Variants in RLIM observed in about 807,000 individuals in gnomAD.
RLIM encodes ring finger protein, LIM domain interacting.
A neutral mutation model predicts 34.0 loss-of-function variants in RLIM; 2 were observed. The ratio of observed to expected loss-of-function variants is 0.06; its 90% CI spans 0.02 to 0.19. RLIM has a LOEUF of 0.19. Among genes scored for constraint, RLIM ranks in the 10% least tolerant of loss-of-function variants. RLIM has a pLI of 1.00. For synonymous variants in RLIM, 169 were observed against 164.0 expected, an observed-to-expected ratio of 1.03 and a Z score of -0.23; for missense variants, 286 against 479.7, an observed-to-expected ratio of 0.60 and a Z score of 3.77.
rs767811709 is a variant in RLIM at position 74,595,794 on chromosome X, T to C, written c.169+15A>G. 5 of 1,155,826 alleles carry C rather than the reference T, an allele frequency of 4.3e-6. No individual in the cohort carries two copies. The highest frequency in any genetic ancestry group is 5.1e-5 in the Admixed American group (2 of 39,392). On this transcript the variant is annotated intron_variant, in intron 2 of 3. Transcript: ENST00000332687. The stretch of plus-strand genomic sequence containing the variant: ...CAACTTACACTTATAAATCCTTAAA[T>C]ATATGTAAGCATACCTGGGGTGCCT...
In RLIM at chrX:74,613,970, C is replaced by T. The variant is rs774993535; in HGVS notation, c.-24+452G>A. Among the ~76,000 whole-genome samples the T allele has an allele frequency of 1.9e-4, 21 of 110,488 alleles. No individual in the cohort carries two copies. In the East Asian group the frequency reaches 5.5e-3, roughly 29 times the overall value. ...AGGCCCAAGAGTTGCCAGCATCTCA[C>T]TTGGGGCAGCCTGATTTTTTACTTC... On this transcript the variant is annotated intron_variant, in intron 1 of 3. Coordinates refer to ENST00000332687, the MANE Select transcript of RLIM (RefSeq NM_016120.4).
At chrX:74,596,567 C>T (rs749703283) in intron 1 of RLIM, among the ~76,000 whole-genome samples, 72 of 112,124 alleles carry the variant, frequency 6.4e-4, no homozygotes, top group Non-Finnish European at 9.0e-4. Context: ...TATTTTTATT[C>T]TCCTTGCAAC....
Position 74,585,632 on chromosome X carries a change from TGCTTTA to T in RLIM, c.*5802_*5807del, listed in dbSNP as rs1171629156. 1 of 112,445 alleles carries T rather than the reference TGCTTTA, an allele frequency of 8.9e-6. No homozygotes were observed. The highest frequency in any genetic ancestry group is 3.2e-5 in the African/African-American group (1 of 30,960). 9.3% of individuals were successfully genotyped at this position (112,445 alleles called of 1,213,427 possible). A position where few individuals can be genotyped will look rare whatever the true frequency, so the allele number is the denominator to read the frequency against. On this transcript the variant is annotated 3_prime_UTR_variant, in exon 4 of 4. Coordinates refer to ENST00000332687, the MANE Select transcript of RLIM (RefSeq NM_016120.4). Reference sequence around the variant, plus strand: ...TGATTGACCTTTCAAGGTCTTGTTTTGCTTTAAACAAGTTAACTTTTAGCAGTTGTA... The same window carrying T: ...TGATTGACCTTTCAAGGTCTTGTTTTAACAAGTTAACTTTTAGCAGTTGTA...
Position 74,591,706 on chromosome X carries a change from A to G in RLIM, c.1609T>C (p.Leu537=). 2 of 1,211,761 alleles carry G rather than the reference A, an allele frequency of 1.7e-6. No individual in the cohort carries two copies. ...GGTTGGTCATCATCATCCTCATTTA[A>G]GAGGAAAAACTGAGCCAGGCTAAGG... ...PFLSLAQFFL[L]NEDDDDQPRG... The change falls in exon 4 of 4, where the codon TTA becomes CTA. Residue 537 remains leucine, a synonymous_variant. Coordinates refer to ENST00000332687, the MANE Select transcript of RLIM (RefSeq NM_016120.4).
At chrX:74,609,653 G>A (rs932130555) in intron 1 of RLIM, among the ~76,000 whole-genome samples, 2 of 110,304 alleles carry the variant, frequency 1.8e-5, no homozygotes, top group African/African-American at 6.6e-5. Context: ...ATAACATGAA[G>A]AGGGTGACAA....
chrX:74,614,215 C>G (rs1160578591), intron 1 of RLIM, among the ~76,000 whole-genome samples: 3 of 110,293 alleles, frequency 2.7e-5, no homozygotes, highest in Non-Finnish European at 3.8e-5. Flanking sequence ...CTTCAAAGAG[C>G]CTGTCGACTA....
At chrX:74,613,288 TTC>T in intron 1 of RLIM, among the ~76,000 whole-genome samples, 1 of 111,373 alleles carries the variant, frequency 9.0e-6, no homozygotes, top group East Asian at 2.8e-4. Flanking sequence ...CTGCGGTTAA[TTC>T]TGATTCAGGA....
intron 1 of RLIM, 124 bp from the exon 2 acceptor site, chrX:74,596,124 CCTAACAAAAA>C: frequency 2.4e-6 from 1 of 423,000 alleles, no homozygotes; most frequent in Admixed American, 5.1e-5. Context: ...AATGAAATTT[CCTAACAAAAA>C]CTCCTGAAAA....
At position 74,596,390 on chromosome X, in the gene RLIM, C is replaced by A. The variant is rs748049774; in HGVS notation, c.-23-390G>T. Reference sequence around the variant, plus strand: ...CTCCCGAAGTAGCTGGGACGACAGGCACCTGCCACCACGCCCAGCTAATTT... The same window carrying A: ...CTCCCGAAGTAGCTGGGACGACAGGAACCTGCCACCACGCCCAGCTAATTT... On this transcript the variant is annotated intron_variant, in intron 1 of 3. Transcript: ENST00000332687. Among the ~76,000 whole-genome samples the A allele has an allele frequency of 1.3e-4, 14 of 111,755 alleles. No individual in the cohort carries two copies. In the South Asian group the frequency reaches 1.9e-3, roughly 15 times the overall value.
Position 74,586,679 on chromosome X carries a change from T to C in RLIM, c.*4761A>G, listed in dbSNP as rs954539611. 1 of 112,780 alleles carries C rather than the reference T, an allele frequency of 8.9e-6. No individual in the cohort carries two copies. Among genetic ancestry groups the C allele is most frequent in the East Asian group, 2.8e-4 (1 of 3,630 alleles). The allele number at this position is 112,780 out of a possible 1,213,427, so 9.3% of individuals were successfully genotyped here. ...TGTTAGAGAAGTATCAGATAAATTT[T>C]AGAACTGTTCCAGTTAAGGAAAATA... On this transcript the variant is annotated 3_prime_UTR_variant, in exon 4 of 4. Transcript: ENST00000332687.
At position 74,592,466 on chromosome X, in the gene RLIM, T is replaced by A. The variant is rs2079620296; in HGVS notation, c.849A>T (p.Arg283Ser). ...TTGTTCCAGAAGCTGCAAAAAGACC[T>A]CTACTTAGCAACTCAGGCCCAGATA... Reference protein sequence around the residue: ...QQISGPELLSRGLFAASGTRN... With the variant: ...QQISGPELLSSGLFAASGTRN... Residue 283 changes from arginine to serine, a missense_variant, in exon 4 of 4, where the codon AGA becomes AGT. This residue lies in a region of RLIM where 121 missense variants were observed against 182.4 expected (regional missense o/e 0.66). Coordinates refer to ENST00000332687, the MANE Select transcript of RLIM (RefSeq NM_016120.4). 1 of 1,211,895 alleles carries A rather than the reference T, an allele frequency of 8.3e-7. No individual in the cohort carries two copies. Among genetic ancestry groups the A allele is most frequent in the Non-Finnish European group, 1.1e-6 (1 of 895,554 alleles).
rs980081001 is a variant in RLIM at position 74,583,232 on chromosome X, A to G, written c.*8208T>C. ...TGAGCATATGAAGAAGTTCTGAATT[A>G]TCAATCTCCAACAACACGCCAGTGA... On this transcript the variant is annotated 3_prime_UTR_variant, in exon 4 of 4. Coordinates refer to ENST00000332687, the MANE Select transcript of RLIM (RefSeq NM_016120.4). 5.3e-5 allele frequency: 54 copies of G among 1,013,208 alleles called. No individual in the cohort carries two copies. The highest frequency in any genetic ancestry group is 7.4e-5 in the Non-Finnish European group (53 of 714,185). The allele number at this position is 1,013,208 out of a possible 1,213,427, so 83.5% of individuals were successfully genotyped here. A position where few individuals can be genotyped will look rare whatever the true frequency, so the allele number is the denominator to read the frequency against.
At position 74,598,736 on chromosome X, in the gene RLIM, G is replaced by A. The variant is rs182469403; in HGVS notation, c.-23-2736C>T. ...GGAGCTTGCAGTGAGCAGAGATCGC[G>A]CCACTGCACTCCTGCCTGTGCGACA... On this transcript the variant is annotated intron_variant, in intron 1 of 3. Coordinates refer to ENST00000332687, the MANE Select transcript of RLIM (RefSeq NM_016120.4). Among the ~76,000 whole-genome samples, 760 of 102,057 alleles carry A rather than the reference G, an allele frequency of 7.4e-3. 5 individuals are homozygous for A. Among genetic ancestry groups the A allele is most frequent in the Non-Finnish European group, 0.01 (529 of 50,709 alleles). 88.6% of individuals were successfully genotyped at this position (102,057 alleles called of 115,157 possible). A position where few individuals can be genotyped will look rare whatever the true frequency, so the allele number is the denominator to read the frequency against.
At chrX:74,614,097 C>A (rs1167453968) in intron 1 of RLIM, among the ~76,000 whole-genome samples, 1 of 110,258 alleles carries the variant, frequency 9.1e-6, no homozygotes, top group Non-Finnish European at 1.9e-5. Flanking sequence ...GATTCTGACG[C>A]CTGAGGCCAA....
intron 1 of RLIM, among the ~76,000 whole-genome samples, chrX:74,597,051 G>C (rs1045693595): frequency 8.9e-6 from 1 of 111,799 alleles, no homozygotes; most frequent in Non-Finnish European, 1.9e-5. Flanking sequence ...CAATTCACAG[G>C]AAAACTACAG....
At chrX:74,600,919 G>A (rs1490170305) in intron 1 of RLIM, among the ~76,000 whole-genome samples, 1 of 109,599 alleles carries the variant, frequency 9.1e-6, no homozygotes, top group Non-Finnish European at 1.9e-5. Context: ...ACTTGGGAGG[G>A]AGGCTGAGGC....
chrX:74,601,279 A>G (rs745372040), intron 1 of RLIM, among the ~76,000 whole-genome samples: 39 of 111,944 alleles, frequency 3.5e-4, no homozygotes, highest in Admixed American at 5.7e-4. Flanking sequence ...AAGAAAATCA[A>G]AAGCCAAGAA....
At chrX:74,610,762 C>T (rs896625077) in intron 1 of RLIM, among the ~76,000 whole-genome samples, 6 of 108,197 alleles carry the variant, frequency 5.5e-5, no homozygotes, top group Non-Finnish European at 1.2e-4. Flanking sequence ...TGGTGGAGAG[C>T]GCCTGTACTC....
intron 1 of RLIM, among the ~76,000 whole-genome samples, chrX:74,612,172 A>G (rs1001051092): frequency 1.8e-5 from 2 of 112,281 alleles, no homozygotes; most frequent in Non-Finnish European, 3.8e-5. Context: ...ATCAACCACC[A>G]CACACAAAGT....
Sources: gnomAD v4.1 joint callset for allele counts (sites outside exome capture counted in the v4.1 genomes callset) on GRCh38, gnomAD v4.1.1 for gene constraint, gnomAD v4.1.1 regional missense constraint, MANE v1.5 for transcripts, NCBI Gene and HGNC (gene_info 2026-07-23, HGNC 2026-07-21) for gene names.